RABGAP1L: variants seen among roughly 807,000 people sequenced by gnomAD.
RABGAP1L encodes the protein rab GTPase-activating protein 1-like.
Under a neutral mutation model 137.7 loss-of-function variants are expected in RABGAP1L, and 63 were observed. That is an observed-to-expected ratio of 0.46 (90% CI 0.37 to 0.56). The LOEUF (loss-of-function observed/expected upper bound fraction) is 0.56, where lower values mean the gene tolerates loss of function less well. Among genes scored for constraint, RABGAP1L ranks in the 20% least tolerant of loss-of-function variants. The probability of loss-of-function intolerance (pLI) is 0.00; values close to 1 mark genes in which losing one functional copy is unlikely to be tolerated. For synonymous variants in RABGAP1L, 431 were observed against 433.7 expected (o/e 0.99, Z 0.08); for missense variants, 1,095 against 1,244.0 (o/e 0.88, Z 1.80).
At chr1:174,459,646 G>A (rs1177258017) in intron 13 of RABGAP1L, among the ~76,000 whole-genome samples, 1 of 152,104 alleles carries the variant, frequency 6.6e-6, no homozygotes, top group Non-Finnish European at 1.5e-5. Flanking sequence ...TCAAGTACAT[G>A]TACAAGTCTG....
At chr1:174,628,542 A>T (rs868278761) in intron 13 of RABGAP1L, among the ~76,000 whole-genome samples, 46 of 152,336 alleles carry the variant, frequency 3.0e-4, no homozygotes, top group African/African-American at 1.1e-3. Context: ...TTTAAGTAAC[A>T]TTATGCATTT....
At chr1:174,767,076 G>GT (rs1299719778) in intron 18 of RABGAP1L, among the ~76,000 whole-genome samples, 2 of 152,138 alleles carry the variant, frequency 1.3e-5, no homozygotes, top group Non-Finnish European at 2.9e-5. Context: ...CCACTTCCCC[G>GT]TTGTTTCACC....
intron 17 of RABGAP1L, among the ~76,000 whole-genome samples, chr1:174,707,167 T>C (rs114708687): frequency 2.7e-3 from 417 of 152,276 alleles, no homozygotes; most frequent in Middle Eastern, 6.8e-3. Context: ...TAACTTTGAG[T>C]TGTTTTTATT....
At chr1:174,792,313 T>C (rs1427697063) in intron 18 of RABGAP1L, among the ~76,000 whole-genome samples, 2 of 152,242 alleles carry the variant, frequency 1.3e-5, no homozygotes, top group African/African-American at 4.8e-5. Flanking sequence ...CAAAGTGTGT[T>C]CTTGAAGTAG....
chr1:174,826,502 G>A (rs537714284), intron 19 of RABGAP1L, among the ~76,000 whole-genome samples: 5 of 152,252 alleles, frequency 3.3e-5, no homozygotes, highest in African/African-American at 9.6e-5. Flanking sequence ...GATTACAAGC[G>A]TGAGCCACCA....
At chr1:174,914,754 A>G (rs1558227040) in intron 19 of RABGAP1L, among the ~76,000 whole-genome samples, 1 of 152,110 alleles carries the variant, frequency 6.6e-6, no homozygotes, top group Non-Finnish European at 1.5e-5. Context: ...TTATGCATCC[A>G]TCATCACATC....
chr1:174,480,909 C>T lies in RABGAP1L; in HGVS notation c.1710+86764C>T, dbSNP rs1014780102. ...TAACCCAAGAACTGTGCCTTATAGT[C>T]CATAGTATTCATACCTCTCAAAACC... On this transcript the variant is annotated intron_variant, in intron 13 of 25. Coordinates refer to ENST00000681986, the MANE Select transcript of RABGAP1L (RefSeq NM_001366446.1). Among the ~76,000 whole-genome samples, 7 of 152,074 alleles carry T rather than the reference C, an allele frequency of 4.6e-5. 1 individual carries two copies. The highest frequency in any genetic ancestry group is 4.6e-4 in the Admixed American group (7 of 15,238).
intron 9 of RABGAP1L, among the ~76,000 whole-genome samples, chr1:174,276,406 A>G (rs1209388681): frequency 1.3e-5 from 2 of 152,100 alleles, no homozygotes; most frequent in South Asian, 2.1e-4. Flanking sequence ...TTGCCTTCCA[A>G]AGCACTGGGA....
intron 14 of RABGAP1L, among the ~76,000 whole-genome samples, chr1:174,642,072 T>G (rs1674571946): frequency 6.6e-6 from 1 of 152,188 alleles, no homozygotes; most frequent in Non-Finnish European, 1.5e-5. Flanking sequence ...TAAAATATTA[T>G]TCAGAACAAT....
intron 11 of RABGAP1L, among the ~76,000 whole-genome samples, chr1:174,361,215 C>T (rs1203974042): frequency 2.1e-5 from 3 of 142,968 alleles, no homozygotes; most frequent in African/African-American, 8.0e-5. Context: ...AATGTGATTG[C>T]TCCAGTTTTG....
At chr1:174,574,016 A>C (rs1302394145) in intron 13 of RABGAP1L, among the ~76,000 whole-genome samples, 2 of 152,242 alleles carry the variant, frequency 1.3e-5, no homozygotes, top group Non-Finnish European at 2.9e-5. Context: ...GCCAGCCTTC[A>C]GTAGTTGAGA....
At chr1:174,511,353 T>C (rs910806144) in intron 13 of RABGAP1L, among the ~76,000 whole-genome samples, 1 of 152,200 alleles carries the variant, frequency 6.6e-6, no homozygotes, top group Non-Finnish European at 1.5e-5. Flanking sequence ...TCTTTGGTTA[T>C]AAAAGATTCT....
chr1:174,199,125 C>T (rs1401543189), intron 1 of RABGAP1L, among the ~76,000 whole-genome samples: 1 of 151,756 alleles, frequency 6.6e-6, no homozygotes, highest in African/African-American at 2.4e-5. Context: ...AGAAAAAGTT[C>T]TTATTACTGA....
rs1430470159 is a variant in RABGAP1L, at chr1:174,982,836, C to A, written c.2736C>A (p.Ile912=). 15 of 1,550,336 alleles carry A rather than the reference C, an allele frequency of 9.7e-6. No homozygotes were observed. In the South Asian group the frequency reaches 1.8e-4, roughly 18 times the overall value. Residue 912 remains isoleucine, a splice_region_variant and synonymous_variant, in exon 24 of 26, where the codon ATC becomes ATA. Transcript: ENST00000681986. Reference sequence around the variant, plus strand: ...AAAGACTCTTTTCTCATCCTTAGATCTGTTCGCAGTTGAGTACCAGGCTGG... The same window carrying A: ...AAAGACTCTTTTCTCATCCTTAGATATGTTCGCAGTTGAGTACCAGGCTGG... ...TTAIIAEYKQ[I]CSQLSTRLEK...
At chr1:174,954,479 G>A (rs1229514010) in intron 19 of RABGAP1L, among the ~76,000 whole-genome samples, 2 of 152,108 alleles carry the variant, frequency 1.3e-5, no homozygotes, top group Non-Finnish European at 2.9e-5. Flanking sequence ...CTTTTAAAAG[G>A]ACATGTAAAA....
At chr1:174,915,013 T>C (rs1660627570) in intron 19 of RABGAP1L, among the ~76,000 whole-genome samples, 1 of 152,214 alleles carries the variant, frequency 6.6e-6, no homozygotes, top group Non-Finnish European at 1.5e-5. Flanking sequence ...TAATAGTAGC[T>C]TGTTCCTTTT....
intron 14 of RABGAP1L, among the ~76,000 whole-genome samples, chr1:174,641,594 A>G (rs1031073619): frequency 6.6e-5 from 10 of 152,186 alleles, no homozygotes; most frequent in African/African-American, 2.4e-4. Context: ...GGAAGAATAT[A>G]CTACCACCCC....
intron 13 of RABGAP1L, among the ~76,000 whole-genome samples, chr1:174,621,782 C>G (rs932415925): frequency 6.6e-6 from 1 of 152,276 alleles, no homozygotes; most frequent in South Asian, 2.1e-4. Context: ...CCATTGAGGA[C>G]ATAGGCATGG....
At chr1:174,900,330 G>T (rs185091151) in intron 19 of RABGAP1L, among the ~76,000 whole-genome samples, 3 of 152,186 alleles carry the variant, frequency 2.0e-5, no homozygotes, top group Non-Finnish European at 1.5e-5. Context: ...TTTCAATACT[G>T]TAGAGGTTTC....
Sources: allele counts gnomAD v4.1 joint callset (sites outside exome capture counted in the v4.1 genomes callset), GRCh38; gene constraint gnomAD v4.1.1; transcripts MANE v1.5; gene names NCBI Gene and HGNC (gene_info 2026-07-23, HGNC 2026-07-21).